The following SMURF2 variants were observed in gnomAD, a reference collection of about 807,000 sequenced individuals.
The protein encoded by SMURF2 is SMAD specific E3 ubiquitin protein ligase 2, also known as E3 ubiquitin-protein ligase SMURF2.
SMURF2 carries 48 observed loss-of-function variants against 109.6 expected under a neutral mutation model. That is an observed-to-expected ratio of 0.44 (90% confidence interval 0.35 to 0.56). SMURF2 has a LOEUF of 0.56. Among genes scored for constraint, SMURF2 ranks in the 20% least tolerant of loss-of-function variants. The probability of loss-of-function intolerance (pLI) is 0.01; values close to 1 mark genes in which losing one functional copy is unlikely to be tolerated. For missense variants in SMURF2, 575 were observed against 909.0 expected, an observed-to-expected ratio of 0.63 and a Z score of 4.72; for synonymous variants, 288 against 317.1, an observed-to-expected ratio of 0.91 and a Z score of 0.97.
In SMURF2 at chr17:64,542,627, G is replaced by C. The variant is rs1356961575; in HGVS notation, c.*3221C>G. ...ATGGCACCCGTTGACTGTACGCTTA[G>C]AAAACAAGCAGAAGGAGCCACTCTC... On this transcript the variant is annotated 3_prime_UTR_variant, in exon 19 of 19. Transcript: ENST00000262435. 6.6e-6 allele frequency: 1 copy of C among 152,084 alleles called. No homozygotes were observed. The highest frequency in any genetic ancestry group is 1.5e-5 in the Non-Finnish European group (1 of 68,022). 9.4% of individuals were successfully genotyped at this position (152,084 alleles called of 1,614,324 possible). A position where few individuals can be genotyped will look rare whatever the true frequency, so the allele number is the denominator to read the frequency against.
At chr17:64,641,957 C>T (rs1307196600) in intron 1 of SMURF2, among the ~76,000 whole-genome samples, 7 of 152,194 alleles carry the variant, frequency 4.6e-5, no homozygotes, top group African/African-American at 1.7e-4. Flanking sequence ...CAGGTGCATG[C>T]CGCCATGCCT....
intron 3 of SMURF2, among the ~76,000 whole-genome samples, chr17:64,598,164 C>T (rs1969844294): frequency 6.6e-6 from 1 of 152,100 alleles, no homozygotes; most frequent in Non-Finnish European, 1.5e-5. Flanking sequence ...TACTGTGAGC[C>T]AGTTTCATTT....
chr17:64,584,318 CAAA>C (rs368630194), intron 6 of SMURF2, among the ~76,000 whole-genome samples: 1 of 71,852 alleles, frequency 1.4e-5, no homozygotes, highest in African/African-American at 4.7e-5. Context: ...AACTCCTTCT[CAAA>C]AAAAAAAAAA....
chr17:64,661,755 C>T lies in SMURF2; in HGVS notation c.52+74G>A, dbSNP rs1970780578. On this transcript the variant is annotated intron_variant, in intron 1 of 18. Coordinates refer to ENST00000262435, the MANE Select transcript of SMURF2 (RefSeq NM_022739.4). Reference sequence around the variant, plus strand: ...ATCATTGATCGCGACCCTGGCCCTTCCCAAGGCCACAGGCACCCCCCGCCA... The same window carrying T: ...ATCATTGATCGCGACCCTGGCCCTTTCCAAGGCCACAGGCACCCCCCGCCA... 20 of 1,113,904 alleles carry T rather than the reference C, an allele frequency of 1.8e-5. No homozygotes were observed. The South Asian group carries it at 8.5e-4, about 47-fold the overall frequency. 69.0% of individuals were successfully genotyped at this position (1,113,904 alleles called of 1,614,324 possible).
rs894924647 is a variant in SMURF2 at position 64,547,072 on chromosome 17, C to A, written c.2071+528G>T. Among the ~76,000 whole-genome samples, 17 of 152,314 alleles carry A rather than the reference C, an allele frequency of 1.1e-4. No homozygotes were observed. The highest frequency in any genetic ancestry group is 2.0e-4 in the Admixed American group (3 of 15,302). ...CATTAGCAATATTACCAGCTCCTCC[C>A]AAAATTAACCAGCTTATTCCACAGA... On this transcript the variant is annotated intron_variant, in intron 17 of 18. Transcript: ENST00000262435. The surrounding 1 kb of genome is among the most constrained non-coding windows in gnomAD (Gnocchi z 4.2).
At chr17:64,551,188 T>C (rs1352936101) in intron 16 of SMURF2, among the ~76,000 whole-genome samples, 2 of 151,946 alleles carry the variant, frequency 1.3e-5, no homozygotes, top group Non-Finnish European at 2.9e-5. Flanking sequence ...GGCAAAACCC[T>C]GTCTCTACCA....
chr17:64,607,879 G>A (rs533328254), intron 1 of SMURF2, among the ~76,000 whole-genome samples: 4 of 151,324 alleles, frequency 2.6e-5, no homozygotes, highest in Non-Finnish European at 4.4e-5. Context: ...GCTGAGGTGC[G>A]AGAATCACTT....
At chr17:64,622,642 G>C (rs978066483) in intron 1 of SMURF2, among the ~76,000 whole-genome samples, 1 of 152,130 alleles carries the variant, frequency 6.6e-6, no homozygotes, top group Non-Finnish European at 1.5e-5. Context: ...AAAGGTAAAG[G>C]TACCATTCTC....
rs1319490797 is a variant in SMURF2, at chr17:64,543,728, T to G, written c.*2120A>C. On this transcript the variant is annotated 3_prime_UTR_variant, in exon 19 of 19. Coordinates refer to ENST00000262435, the MANE Select transcript of SMURF2 (RefSeq NM_022739.4). ...TCCCTGTCAGTTATGATTTCTGTAT[T>G]CATTATGTACTTTTTTACTGAAAGA... 2 of 152,226 alleles carry G rather than the reference T, an allele frequency of 1.3e-5. No individual in the cohort carries two copies. Among genetic ancestry groups the G allele is most frequent in the African/African-American group, 2.4e-5 (1 of 41,450 alleles). 9.4% of individuals were successfully genotyped at this position (152,226 alleles called of 1,614,324 possible).
At chr17:64,605,320 T>G (rs1170205981) in intron 2 of SMURF2, among the ~76,000 whole-genome samples, 1 of 152,134 alleles carries the variant, frequency 6.6e-6, no homozygotes, top group African/African-American at 2.4e-5. Flanking sequence ...CCATAAACAT[T>G]TATAACTATA....
intron 12 of SMURF2, among the ~76,000 whole-genome samples, chr17:64,559,544 G>C (rs1969180511): frequency 6.6e-6 from 1 of 151,640 alleles, no homozygotes; most frequent in Non-Finnish European, 1.5e-5. Context: ...AGGGAGCCGA[G>C]ATTGCGCCAC....
intron 11 of SMURF2, among the ~76,000 whole-genome samples, chr17:64,562,006 A>G (rs1969226847): frequency 1.4e-5 from 2 of 147,128 alleles, no homozygotes; most frequent in South Asian, 4.3e-4. Context: ...TCTCTTTTTA[A>G]AAAAGAGGCC....
intron 11 of SMURF2, 110 bp from the exon 12 acceptor site, chr17:64,561,713 T>C: frequency 1.3e-6 from 1 of 769,486 alleles, no homozygotes; most frequent in Non-Finnish European, 2.1e-6. Context: ...AAGGTGAAAT[T>C]TGGCCAGGTG....
At chr17:64,625,895 T>C (rs1970261976) in intron 1 of SMURF2, among the ~76,000 whole-genome samples, 2 of 152,118 alleles carry the variant, frequency 1.3e-5, no homozygotes, top group African/African-American at 4.8e-5. Context: ...ACTTAGACAA[T>C]ACACACACTT....
intron 6 of SMURF2, among the ~76,000 whole-genome samples, chr17:64,585,694 G>A (rs1568184474): frequency 6.6e-6 from 1 of 152,108 alleles, no homozygotes; most frequent in Non-Finnish European, 1.5e-5. Context: ...ATCTTACTAT[G>A]TTATTTTAAT....
intron 1 of SMURF2, among the ~76,000 whole-genome samples, chr17:64,645,042 C>A (rs8073637): frequency 0.18 from 27,815 of 151,090 alleles, 4,711 homozygotes; most frequent in African/African-American, 0.44. Context: ...TGAGTAGATT[C>A]GACAGGAAGA....
At chr17:64,610,579 G>A (rs1221042967) in intron 1 of SMURF2, among the ~76,000 whole-genome samples, 4 of 152,112 alleles carry the variant, frequency 2.6e-5, no homozygotes, top group African/African-American at 7.2e-5. Flanking sequence ...GACACATGGA[G>A]GGGAACATCA....
chr17:64,649,264 T>C (rs1970603417), intron 1 of SMURF2, among the ~76,000 whole-genome samples: 1 of 152,190 alleles, frequency 6.6e-6, no homozygotes, highest in Non-Finnish European at 1.5e-5. Flanking sequence ...TACAGGTTTT[T>C]ACATACCCTG....
chr17:64,611,147 TCA>T (rs1396303691), intron 1 of SMURF2, among the ~76,000 whole-genome samples: 1 of 152,240 alleles, frequency 6.6e-6, no homozygotes, highest in Non-Finnish European at 1.5e-5. Context: ...AACCTGAGGA[TCA>T]CAGTGTCCAT....
Sources: gnomAD v4.1 joint callset for allele counts (sites outside exome capture counted in the v4.1 genomes callset) on GRCh38, gnomAD v4.1.1 for gene constraint, Gnocchi (gnomAD v3.1) non-coding constraint, MANE v1.5 for transcripts, NCBI Gene and HGNC (gene_info 2026-07-23, HGNC 2026-07-21) for gene names.